Variants in FHIT observed in about 807,000 individuals in gnomAD.
The protein encoded by FHIT is fragile histidine triad diadenosine triphosphatase, also known as bis(5'-adenosyl)-triphosphatase.
A neutral mutation model predicts 17.9 loss-of-function variants in FHIT; 19 were observed. The ratio of observed to expected loss-of-function variants is 1.06; its 90% CI spans 0.74 to 1.56. FHIT has a LOEUF of 1.56. FHIT is among the 40% of genes most tolerant of loss of function. The pLI is 0.00. For synonymous variants in FHIT, 81 were observed against 69.7 expected (o/e 1.16, Z -0.81); for missense variants, 248 against 189.2 (o/e 1.31, Z -1.82).
chr3:59,995,134 T>A (rs968969117), intron 7 of FHIT, among the ~76,000 whole-genome samples: 1 of 151,696 alleles, frequency 6.6e-6, no homozygotes, highest in Non-Finnish European at 1.5e-5. Flanking sequence ...TCTGACAATC[T>A]TGTCCAGGAT....
At chr3:60,662,012 T>C (rs1308739235) in intron 4 of FHIT, among the ~76,000 whole-genome samples, 1 of 152,188 alleles carries the variant, frequency 6.6e-6, no homozygotes, top group Non-Finnish European at 1.5e-5. Context: ...GTTGTCTGTT[T>C]ACTGACTGTT....
chr3:60,974,223 A>G (rs1161011097), intron 3 of FHIT, among the ~76,000 whole-genome samples: 2 of 152,236 alleles, frequency 1.3e-5, no homozygotes, highest in Non-Finnish European at 2.9e-5. Context: ...CAAAATTTAC[A>G]TAAAACCTTT....
chr3:61,055,057 T>C (rs1027001194), intron 2 of FHIT, among the ~76,000 whole-genome samples: 2 of 152,018 alleles, frequency 1.3e-5, no homozygotes, highest in Non-Finnish European at 2.9e-5. Flanking sequence ...TCCTTTCCTT[T>C]GTTGCACTAA....
At chr3:60,400,226 T>C (rs1362924744) in intron 5 of FHIT, among the ~76,000 whole-genome samples, 1 of 152,066 alleles carries the variant, frequency 6.6e-6, no homozygotes, top group East Asian at 1.9e-4. Context: ...CCCTAGATAC[T>C]ATAGCAGGGT....
intron 5 of FHIT, among the ~76,000 whole-genome samples, chr3:60,052,165 T>C (rs1434079781): frequency 6.6e-6 from 1 of 152,162 alleles, no homozygotes; most frequent in African/African-American, 2.4e-5. Flanking sequence ...GGATGGCCAC[T>C]CTTGCTTCTC....
intron 8 of FHIT, among the ~76,000 whole-genome samples, chr3:59,764,804 C>T (rs1370320160): frequency 7.1e-6 from 1 of 141,166 alleles, no homozygotes; most frequent in Non-Finnish European, 1.6e-5. Context: ...TTTTATATGC[C>T]CTATAATTGA....
chr3:60,906,248 G>C (rs186631047), intron 3 of FHIT, among the ~76,000 whole-genome samples: 1 of 152,116 alleles, frequency 6.6e-6, no homozygotes, highest in Non-Finnish European at 1.5e-5. Flanking sequence ...ACTATTTTCC[G>C]TGTACTATAG....
At chr3:60,992,981 A>G (rs1180771111) in intron 3 of FHIT, among the ~76,000 whole-genome samples, 1 of 152,176 alleles carries the variant, frequency 6.6e-6, no homozygotes, top group Non-Finnish European at 1.5e-5. Context: ...CCCACAATGC[A>G]AAGTCATTAA....
intron 3 of FHIT, among the ~76,000 whole-genome samples, chr3:60,934,679 T>C (rs925675041): frequency 6.6e-6 from 1 of 152,228 alleles, no homozygotes; most frequent in African/African-American, 2.4e-5. Context: ...TATCCTACCT[T>C]GCTTAAGTAC....
At chr3:61,202,710 A>G (rs147363316) in intron 1 of FHIT, among the ~76,000 whole-genome samples, 83 of 121,490 alleles carry the variant, frequency 6.8e-4, no homozygotes, top group African/African-American at 2.1e-3. Context: ...CCAGAGAGGG[A>G]AAAAAAAGAG....
intron 3 of FHIT, among the ~76,000 whole-genome samples, chr3:61,014,726 G>A (rs1409373327): frequency 7.5e-6 from 1 of 134,126 alleles, no homozygotes; most frequent in Non-Finnish European, 1.5e-5. Context: ...CTTGCAGTGA[G>A]CCAAGATCGC....
intron 2 of FHIT, among the ~76,000 whole-genome samples, chr3:61,173,846 T>A (rs1192432593): frequency 2.6e-5 from 4 of 152,246 alleles, no homozygotes; most frequent in Non-Finnish European, 2.9e-5. Context: ...TAAAGCCCAG[T>A]ACCTACTGAG....
At chr3:60,531,368 T>C (rs1241587366) in intron 5 of FHIT, among the ~76,000 whole-genome samples, 1 of 138,752 alleles carries the variant, frequency 7.2e-6, no homozygotes, top group African/African-American at 2.7e-5. Context: ...AAGCTCCGCC[T>C]CCCGGGTTCA....
At chr3:60,430,957 AC>A (rs1702867893) in intron 5 of FHIT, among the ~76,000 whole-genome samples, 1 of 152,034 alleles carries the variant, frequency 6.6e-6, no homozygotes, top group Non-Finnish European at 1.5e-5. Flanking sequence ...CACACCTGCA[AC>A]CCCAGCACTT....
chr3:60,719,263 A>AT (rs1211481641), intron 4 of FHIT, among the ~76,000 whole-genome samples: 2 of 152,116 alleles, frequency 1.3e-5, no homozygotes, highest in African/African-American at 4.8e-5. Flanking sequence ...GAGGCCTGCT[A>AT]TTTTTTTCCT....
intron 5 of FHIT, among the ~76,000 whole-genome samples, chr3:60,368,463 C>A (rs1170167823): frequency 6.6e-6 from 1 of 151,834 alleles, no homozygotes; most frequent in Non-Finnish European, 1.5e-5. Flanking sequence ...TTTCTTTGGG[C>A]ACTCTGTTGA....
At chr3:60,193,932 G>C (rs1702511155) in intron 5 of FHIT, among the ~76,000 whole-genome samples, 2 of 152,136 alleles carry the variant, frequency 1.3e-5, no homozygotes, top group South Asian at 2.1e-4. Flanking sequence ...TAAAGAACTT[G>C]AAAGTATCAT....
intron 2 of FHIT, among the ~76,000 whole-genome samples, chr3:61,153,211 A>G (rs1178092475): frequency 6.6e-6 from 1 of 152,106 alleles, no homozygotes; most frequent in African/African-American, 2.4e-5. Flanking sequence ...GAAGAAAGGA[A>G]GAGGAAATTG....
intron 1 of FHIT, among the ~76,000 whole-genome samples, chr3:61,202,067 T>TACACACACACACACACAC (rs143994045): frequency 9.4e-5 from 14 of 148,716 alleles, no homozygotes; most frequent in African/African-American, 2.7e-4. Context: ...CGCACATAGA[T>TACACACACACACACACAC]ACACACACAC....
Sources: allele counts gnomAD v4.1 joint callset (sites outside exome capture counted in the v4.1 genomes callset), GRCh38; gene constraint gnomAD v4.1.1; transcripts MANE v1.5; gene names NCBI Gene and HGNC (gene_info 2026-07-23, HGNC 2026-07-21).